CDK14: variants seen among roughly 807,000 people sequenced by gnomAD.
The protein encoded by CDK14 is cyclin-dependent kinase 14.
In CDK14, 34 loss-of-function variants were observed where a neutral mutation model predicts 60.7. The observed-to-expected ratio is 0.56, with a 90% CI of 0.43 to 0.75. The LOEUF is 0.75. Ranked by LOEUF, CDK14 falls within the 30% of genes least tolerant of loss-of-function variation. The probability of loss-of-function intolerance (pLI) is 0.00; values close to 1 mark genes in which losing one functional copy is unlikely to be tolerated. For missense variants in CDK14, 482 were observed against 564.1 expected (o/e 0.85, Z 1.47); for synonymous variants, 197 against 203.7 (o/e 0.97, Z 0.28).
At chr7:91,147,254 T>C (rs1181720649) in intron 14 of CDK14, among the ~76,000 whole-genome samples, 1 of 151,972 alleles carries the variant, frequency 6.6e-6, no homozygotes, top group Non-Finnish European at 1.5e-5. Context: ...GAGGCAGATG[T>C]GTCCTGCAAG....
At chr7:90,602,439 A>G (rs1287839635) in intron 1 of CDK14, among the ~76,000 whole-genome samples, 2 of 152,190 alleles carry the variant, frequency 1.3e-5, no homozygotes, top group Non-Finnish European at 2.9e-5. Flanking sequence ...TTACATTACT[A>G]ATGTTTTGTA....
intron 2 of CDK14, among the ~76,000 whole-genome samples, chr7:90,720,719 T>C (rs1039199885): frequency 6.6e-6 from 1 of 152,172 alleles, no homozygotes; most frequent in African/African-American, 2.4e-5. Flanking sequence ...TTCTCTATTC[T>C]TTTTTATACC....
chr7:91,059,257 T>G lies in CDK14; in HGVS notation c.1105+13297T>G, dbSNP rs542909476. Among the ~76,000 whole-genome samples, 55 of 152,338 alleles carry G rather than the reference T, an allele frequency of 3.6e-4. 2 individuals carry two copies. The East Asian group carries it at 9.2e-3, about 26-fold the overall frequency. ...TGTGGGATCGGTGGTGATATCCCCT[T>G]TAACATTTTTTATTGCATCTATTTG... On this transcript the variant is annotated intron_variant, in intron 11 of 14. Transcript: ENST00000380050.
intron 9 of CDK14, among the ~76,000 whole-genome samples, chr7:90,976,158 C>T (rs1795066693): frequency 6.6e-6 from 1 of 152,088 alleles, no homozygotes; most frequent in Admixed American, 6.6e-5. Context: ...TATAAGAGTT[C>T]CCTTTTCTCC....
chr7:90,872,627 C>A (rs373687710), intron 6 of CDK14, among the ~76,000 whole-genome samples: 1 of 152,108 alleles, frequency 6.6e-6, no homozygotes, highest in African/African-American at 2.4e-5. Context: ...TTTTAACTGT[C>A]CACTATCATG....
chr7:90,699,801 G>T (rs1584801748), intron 2 of CDK14, among the ~76,000 whole-genome samples: 1 of 152,186 alleles, frequency 6.6e-6, no homozygotes, highest in Non-Finnish European at 1.5e-5. Flanking sequence ...TTATGATGGG[G>T]TCAGGCAGAA....
chr7:90,688,855 C>G (rs1801496729), intron 2 of CDK14, among the ~76,000 whole-genome samples: 1 of 152,084 alleles, frequency 6.6e-6, no homozygotes, highest in Non-Finnish European at 1.5e-5. Flanking sequence ...CTCTGCCCAC[C>G]CAAAAGCCAT....
intron 6 of CDK14, among the ~76,000 whole-genome samples, chr7:90,879,557 A>G (rs1017043968): frequency 5.9e-5 from 9 of 152,100 alleles, no homozygotes; most frequent in Non-Finnish European, 8.8e-5. Flanking sequence ...AAGTTCTCTC[A>G]TCAAAATTGA....
chr7:90,789,294 G>C (rs913248564), intron 4 of CDK14, among the ~76,000 whole-genome samples: 1 of 152,060 alleles, frequency 6.6e-6, no homozygotes. Flanking sequence ...ATGTTGTTAA[G>C]TGTAAACAAT....
At chr7:90,677,583 A>G (rs774974717) in intron 2 of CDK14, among the ~76,000 whole-genome samples, 2 of 152,136 alleles carry the variant, frequency 1.3e-5, no homozygotes, top group Non-Finnish European at 2.9e-5. Flanking sequence ...AAGGAAGAAA[A>G]CACCAAATCA....
intron 9 of CDK14, among the ~76,000 whole-genome samples, chr7:90,970,883 T>A (rs1794903778): frequency 6.6e-6 from 1 of 152,228 alleles, no homozygotes; most frequent in East Asian, 1.9e-4. Flanking sequence ...CAGTATCTTG[T>A]GTGTACTCCT....
intron 14 of CDK14, among the ~76,000 whole-genome samples, chr7:91,182,500 TC>T (rs1802036179): frequency 6.6e-6 from 1 of 151,974 alleles, no homozygotes; most frequent in Non-Finnish European, 1.5e-5. Flanking sequence ...TGTCTCTCCT[TC>T]TCCTTATGCA....
At chr7:90,719,640 C>T (rs186523389) in intron 2 of CDK14, among the ~76,000 whole-genome samples, 30 of 152,240 alleles carry the variant, frequency 2.0e-4, no homozygotes, top group Admixed American at 1.7e-3. Context: ...CCAAATTAAT[C>T]GCTTCAGATG....
At chr7:91,035,906 C>G (rs1400490676) in intron 10 of CDK14, among the ~76,000 whole-genome samples, 1 of 144,132 alleles carries the variant, frequency 6.9e-6, no homozygotes, top group Non-Finnish European at 1.5e-5. Flanking sequence ...TGCAGTGGCG[C>G]AATCTCGGCT....
At chr7:90,875,542 A>G (rs1407474255) in intron 6 of CDK14, among the ~76,000 whole-genome samples, 1 of 151,260 alleles carries the variant, frequency 6.6e-6, no homozygotes, top group Non-Finnish European at 1.5e-5. Flanking sequence ...TTTTTTTATT[A>G]TATTGGATGT....
At chr7:91,106,051 C>G (rs925337829) in intron 12 of CDK14, among the ~76,000 whole-genome samples, 1 of 151,968 alleles carries the variant, frequency 6.6e-6, no homozygotes, top group East Asian at 1.9e-4. Flanking sequence ...CGCATTGCAT[C>G]CAAATTACAA....
At chr7:90,741,059 C>T (rs1461889858) in intron 3 of CDK14, among the ~76,000 whole-genome samples, 1 of 152,080 alleles carries the variant, frequency 6.6e-6, no homozygotes, top group Non-Finnish European at 1.5e-5. Flanking sequence ...AATCGTGGAG[C>T]TTGAGGAGGA....
At chr7:90,635,865 G>T (rs1463118097) in intron 2 of CDK14, among the ~76,000 whole-genome samples, 2 of 151,898 alleles carry the variant, frequency 1.3e-5, no homozygotes, top group Middle Eastern at 3.4e-3. Flanking sequence ...TTGTAAGTTG[G>T]ATTCCTAGAT....
At chr7:91,108,915 A>G (rs893134099) in intron 12 of CDK14, among the ~76,000 whole-genome samples, 1 of 152,218 alleles carries the variant, frequency 6.6e-6, no homozygotes, top group Non-Finnish European at 1.5e-5. Flanking sequence ...GATCTGAAGG[A>G]GGAGTGGGAG....
Sources: allele counts gnomAD v4.1 joint callset (sites outside exome capture counted in the v4.1 genomes callset), GRCh38; gene constraint gnomAD v4.1.1; transcripts MANE v1.5; gene names NCBI Gene and HGNC (gene_info 2026-07-23, HGNC 2026-07-21).